MAPRE2: variants seen among roughly 807,000 people sequenced by gnomAD.
The protein encoded by MAPRE2 is microtubule-associated protein RP/EB family member 2.
MAPRE2 carries 13 observed loss-of-function variants against 43.2 expected under a neutral mutation model. That is an observed-to-expected ratio of 0.30 (90% CI 0.20 to 0.48). The LOEUF (loss-of-function observed/expected upper bound fraction) is 0.48. Among genes scored for constraint, MAPRE2 ranks in the 20% least tolerant of loss-of-function variants. The pLI, the probability that MAPRE2 is intolerant of heterozygous loss-of-function variation, is 0.99. For synonymous variants in MAPRE2, 135 were observed against 148.8 expected (o/e 0.91, Z 0.68); for missense variants, 161 against 400.2 (o/e 0.40, Z 5.10).
At chr18:35,068,558 G>A (rs1262897223) in intron 1 of MAPRE2, among the ~76,000 whole-genome samples, 1 of 152,198 alleles carries the variant, frequency 6.6e-6, no homozygotes, top group African/African-American at 2.4e-5. Flanking sequence ...CATTGGTCAT[G>A]TTTGGAGAAT....
At chr18:35,005,543 GGAT>G (rs1298957593) in exon 2 of MAPRE2, 2 of 1,541,834 alleles carry the variant, frequency 1.3e-6, no homozygotes, top group African/African-American at 2.7e-5. Flanking sequence ...GAGAAAGCCT[GGAT>G]GCTCAAGGTA....
At chr18:35,012,184 T>C (rs2097035190) in intron 2 of MAPRE2, among the ~76,000 whole-genome samples, 1 of 152,170 alleles carries the variant, frequency 6.6e-6, no homozygotes, top group Non-Finnish European at 1.5e-5. Context: ...AGCCCAGTAT[T>C]GCCCATGTTG....
chr18:35,052,250 C>T lies in MAPRE2; in HGVS notation c.122+10589C>T, dbSNP rs542052656. ...CAGTCCAAATCTTCTCTGCCCAAAG[C>T]CCCAGGAGCCAGTGATCTGCTTTCT... is the stretch of plus-strand genomic sequence containing the variant. On this transcript the variant is annotated intron_variant, in intron 1 of 6. Transcript: ENST00000300249. Among the ~76,000 whole-genome samples the T allele has an allele frequency of 3.7e-4, 57 of 152,250 alleles. 2 individuals are homozygous for T. In the South Asian group the frequency reaches 0.012, roughly 31 times the overall value.
At chr18:35,000,481 TG>T (rs1442540272) in intron 1 of MAPRE2, among the ~76,000 whole-genome samples, 2 of 152,196 alleles carry the variant, frequency 1.3e-5, no homozygotes, top group African/African-American at 2.4e-5. Flanking sequence ...TGCCAGAGGA[TG>T]GGGGGACTCC....
intron 2 of MAPRE2, among the ~76,000 whole-genome samples, chr18:35,076,658 A>G (rs542191912): frequency 1.3e-5 from 2 of 152,330 alleles, no homozygotes; most frequent in South Asian, 2.1e-4. Flanking sequence ...CCTTAAGTAC[A>G]TGAAGCATAT....
chr18:35,032,303 C>T (rs867398970), intron 2 of MAPRE2, among the ~76,000 whole-genome samples: 6 of 152,168 alleles, frequency 3.9e-5, no homozygotes, highest in African/African-American at 1.4e-4. Flanking sequence ...CCTTTGACAG[C>T]AGTGATTATC....
intron 5 of MAPRE2, among the ~76,000 whole-genome samples, chr18:35,130,884 GGACCCTCTTTT>G (rs1170478147): frequency 6.6e-6 from 1 of 152,072 alleles, no homozygotes; most frequent in Non-Finnish European, 1.5e-5. Flanking sequence ...CCGAGTTCTT[GGACCCTCTTTT>G]GACCACTGCC....
chr18:35,115,189 T>G (rs1345236199), intron 4 of MAPRE2, among the ~76,000 whole-genome samples: 1 of 152,118 alleles, frequency 6.6e-6, no homozygotes, highest in Non-Finnish European at 1.5e-5. Flanking sequence ...ATTATTGAGT[T>G]GATGAGTTTA....
At chr18:35,080,092 G>A (rs1392062935) in intron 2 of MAPRE2, among the ~76,000 whole-genome samples, 1 of 152,068 alleles carries the variant, frequency 6.6e-6, no homozygotes, top group Non-Finnish European at 1.5e-5. Flanking sequence ...TTTAGTGGAT[G>A]GTCAATAAAT....
intron 5 of MAPRE2, among the ~76,000 whole-genome samples, chr18:35,129,711 A>G (rs1910063080): frequency 6.6e-6 from 1 of 152,208 alleles, no homozygotes; most frequent in Admixed American, 6.5e-5. Flanking sequence ...GGCAGAGACT[A>G]TAGCCATCAC....
At chr18:35,024,372 T>G (rs117538728) in intron 2 of MAPRE2, among the ~76,000 whole-genome samples, 1 of 152,224 alleles carries the variant, frequency 6.6e-6, no homozygotes, top group Non-Finnish European at 1.5e-5. Flanking sequence ...CTTTTATTCA[T>G]GCTCTGACAG....
chr18:34,983,931 G>A (rs2097017680), intron 1 of MAPRE2, among the ~76,000 whole-genome samples: 1 of 152,112 alleles, frequency 6.6e-6, no homozygotes. Context: ...TGTCTGGCCT[G>A]GAAATAGCAC....
At chr18:35,105,762 T>TA (rs78057707) in intron 4 of MAPRE2, among the ~76,000 whole-genome samples, 86 of 146,554 alleles carry the variant, frequency 5.9e-4, no homozygotes, top group Admixed American at 7.5e-4. Flanking sequence ...AAACCTCAGT[T>TA]AAAAAAAAAA....
chr18:35,053,022 A>AC (rs1906032044), intron 1 of MAPRE2, among the ~76,000 whole-genome samples: 2 of 143,994 alleles, frequency 1.4e-5, no homozygotes, highest in South Asian at 2.4e-4. Context: ...ACACACACAC[A>AC]AAAAGACCTA....
chr18:35,139,591 A>G (rs1220574161), intron 6 of MAPRE2, among the ~76,000 whole-genome samples: 1 of 152,210 alleles, frequency 6.6e-6, no homozygotes, highest in Non-Finnish European at 1.5e-5. Context: ...AAGGGCCCCA[A>G]GCAGTCTAAG....
chr18:35,002,045 C>T (rs1203193209), intron 1 of MAPRE2, among the ~76,000 whole-genome samples: 2 of 152,136 alleles, frequency 1.3e-5, no homozygotes, highest in African/African-American at 4.8e-5. Flanking sequence ...TCCATCACCA[C>T]AAAAATATTT....
chr18:34,997,860 G>A (rs2097027291), intron 1 of MAPRE2, among the ~76,000 whole-genome samples: 2 of 152,122 alleles, frequency 1.3e-5, no homozygotes, highest in African/African-American at 4.8e-5. Context: ...CAAGATCTGG[G>A]TGATGTGATA....
rs543449814 is a variant in MAPRE2 at position 35,066,262 on chromosome 18, G to A, written c.123-3933G>A. On this transcript the variant is annotated intron_variant, in intron 1 of 6. Transcript: ENST00000300249. The stretch of plus-strand genomic sequence containing the variant: ...GACTAGCAGTCGTGAATTGAAGTTT[G>A]TGTCCACTTTTGTAAGGGAAGAGTA... Among the ~76,000 whole-genome samples, 8 of 152,306 alleles carry A rather than the reference G, an allele frequency of 5.3e-5. No individual in the cohort carries two copies. In the South Asian group the frequency reaches 1.7e-3, roughly 32 times the overall value.
intron 1 of MAPRE2, among the ~76,000 whole-genome samples, chr18:35,061,510 T>C (rs551078196): frequency 6.6e-6 from 1 of 152,032 alleles, no homozygotes; most frequent in Non-Finnish European, 1.5e-5. Context: ...CCTGGAGGAG[T>C]TGGTCTTGCA....
Sources: gnomAD v4.1 joint callset for allele counts (sites outside exome capture counted in the v4.1 genomes callset) on GRCh38, gnomAD v4.1.1 for gene constraint, MANE v1.5 for transcripts, NCBI Gene and HGNC (gene_info 2026-07-23, HGNC 2026-07-21) for gene names.